The following ZNF469 variants were observed in gnomAD, a reference collection of about 807,000 sequenced individuals.
ZNF469 encodes the protein zinc finger protein 469.
ZNF469 carries 1 observed loss-of-function variant against 1.0 expected under a neutral mutation model. The observed-to-expected ratio is 1.00, with a 90% CI of 0.35 to 4.73. ZNF469 has a LOEUF of 4.73. Among genes scored for constraint, ZNF469 ranks in the 30% most tolerant of loss-of-function variants. The pLI is 0.16. For missense variants in ZNF469, 6,100 were observed against 5,356.3 expected (o/e 1.14, Z -4.33); for synonymous variants, 2,703 against 2,363.4 (o/e 1.14, Z -4.17).
chr16:88,310,632 G>C, the ZNF469 span, among the ~76,000 whole-genome samples: 1 of 151,590 alleles, frequency 6.6e-6, no homozygotes, highest in African/African-American at 2.4e-5. Context: ...GCCCAGGCTG[G>C]AGTGCAGCAG....
intron 1 of ZNF469, among the ~76,000 whole-genome samples, chr16:88,395,760 A>G (rs1398927405): frequency 1.3e-5 from 2 of 152,236 alleles, no homozygotes; most frequent in African/African-American, 2.4e-5. Flanking sequence ...TCTTCACTCT[A>G]TGCTGGGCCA....
At chr16:88,152,970 G>A in the ZNF469 span, among the ~76,000 whole-genome samples, 34,539 of 152,214 alleles carry the variant, frequency 0.23, 4,562 homozygotes, top group East Asian at 0.51. The surrounding 1 kb of genome is among the most constrained non-coding windows in gnomAD (Gnocchi z 4.2). Flanking sequence ...GGGCTCTGGC[G>A]GGGCATGCCC....
chr16:88,427,146 C>T (rs979632303), intron 2 of ZNF469, among the ~76,000 whole-genome samples, 199 bp from the exon 3 acceptor site: 2 of 152,138 alleles, frequency 1.3e-5, no homozygotes, highest in African/African-American at 4.8e-5. Context: ...TTCCATCTGG[C>T]GGGATGCCCT....
At chr16:88,250,863 C>T in the ZNF469 span, among the ~76,000 whole-genome samples, 52,177 of 151,820 alleles carry the variant, frequency 0.34, 9,449 homozygotes, top group Middle Eastern at 0.46. Flanking sequence ...CCTACCTGTT[C>T]GGGGTTTTTC....
intron 1 of ZNF469, among the ~76,000 whole-genome samples, chr16:88,415,945 C>A (rs1905290952): frequency 1.3e-5 from 2 of 152,262 alleles, no homozygotes; most frequent in African/African-American, 4.8e-5. Context: ...CTTCCCAGCG[C>A]TGCAGAGCCA....
chr16:88,398,647 G>C lies in ZNF469; in HGVS notation c.-192+15393G>C, dbSNP rs567347012. Among the ~76,000 whole-genome samples the C allele has an allele frequency of 5.9e-5, 3 of 50,950 alleles. No individual in the cohort carries two copies. In the South Asian group the frequency reaches 1.4e-3, roughly 23 times the overall value. The allele number at this position is 50,950 out of a possible 152,430, so 33.4% of individuals were successfully genotyped here. A position where few individuals can be genotyped will look rare whatever the true frequency, so the allele number is the denominator to read the frequency against. Reference sequence around the variant, plus strand: ...AAGGGACATATGAGCCACAGATGAAGGGGGGGTGTGAGCCACAGATGAGGG... The same window carrying C: ...AAGGGACATATGAGCCACAGATGAACGGGGGGTGTGAGCCACAGATGAGGG... On this transcript the variant is annotated intron_variant, in intron 1 of 2. Coordinates refer to ENST00000565624, the MANE Select transcript of ZNF469 (RefSeq NM_001367624.2).
the ZNF469 span, among the ~76,000 whole-genome samples, chr16:88,247,982 G>A: frequency 6.6e-6 from 1 of 152,148 alleles, no homozygotes; most frequent in African/African-American, 2.4e-5. Flanking sequence ...AAGCTGTGAC[G>A]CGGCTGGACG....
chr16:88,301,771 T>C, the ZNF469 span, among the ~76,000 whole-genome samples: 6 of 152,184 alleles, frequency 3.9e-5, no homozygotes, highest in Admixed American at 6.5e-5. Flanking sequence ...ATCCTTTTTG[T>C]GGGTTACTGA....
chr16:88,256,821 C>T, the ZNF469 span, among the ~76,000 whole-genome samples: 7 of 141,298 alleles, frequency 5.0e-5, no homozygotes, highest in African/African-American at 1.5e-4. Context: ...GGTGAGGAGC[C>T]TCTTTTCTTT....
At chr16:88,427,234 C>G (rs1320985382) in intron 2 of ZNF469, among the ~76,000 whole-genome samples, 111 bp from the exon 3 acceptor site, 1 of 152,206 alleles carries the variant, frequency 6.6e-6, no homozygotes, top group African/African-American at 2.4e-5. Flanking sequence ...CTGCACGCAG[C>G]CTCTTCTGCT....
the ZNF469 span, among the ~76,000 whole-genome samples, chr16:88,134,222 C>A: frequency 6.6e-6 from 1 of 152,204 alleles, no homozygotes; most frequent in Non-Finnish European, 1.5e-5. Context: ...AGCTTTATGA[C>A]CACTTTTTCT....
the ZNF469 span, among the ~76,000 whole-genome samples, chr16:88,374,072 T>C: frequency 6.7e-6 from 1 of 150,336 alleles, no homozygotes; most frequent in Non-Finnish European, 1.5e-5. Context: ...GAACGTAGTG[T>C]GTGGTGAGGA....
At chr16:88,178,597 G>A in the ZNF469 span, 4 of 152,294 alleles carry the variant, frequency 2.6e-5, no homozygotes, top group South Asian at 6.2e-4. Flanking sequence ...ATCTTGCCTC[G>A]TTTTCCTCTT....
At chr16:88,168,877 C>T in the ZNF469 span, among the ~76,000 whole-genome samples, 1 of 152,142 alleles carries the variant, frequency 6.6e-6, no homozygotes, top group African/African-American at 2.4e-5. The surrounding 1 kb of genome is among the most constrained non-coding windows in gnomAD (Gnocchi z 4.3). Context: ...GTGAGGATCG[C>T]TTGAGCCTAG....
chr16:88,229,667 T>A, the ZNF469 span, among the ~76,000 whole-genome samples: 5 of 144,266 alleles, frequency 3.5e-5, no homozygotes, highest in East Asian at 8.2e-4. Flanking sequence ...CGTGTGGATG[T>A]CGCGTGTGTG....
chr16:88,139,169 C>T, the ZNF469 span, among the ~76,000 whole-genome samples: 100 of 96,566 alleles, frequency 1.0e-3, no homozygotes, highest in African/African-American at 2.4e-3. Context: ...AGAGACTGCT[C>T]TGCATCCCAC....
At chr16:88,287,770 C>T in the ZNF469 span, among the ~76,000 whole-genome samples, 2 of 152,172 alleles carry the variant, frequency 1.3e-5, no homozygotes, top group Admixed American at 6.5e-5. Context: ...ATTATGCATT[C>T]ACGCTCCAGG....
chr16:88,335,212 C>T, the ZNF469 span, among the ~76,000 whole-genome samples: 8 of 152,174 alleles, frequency 5.3e-5, no homozygotes, highest in Admixed American at 4.6e-4. Context: ...CTCTCCACCA[C>T]CCCAAAACTC....
intron 1 of ZNF469, among the ~76,000 whole-genome samples, chr16:88,412,015 C>T (rs967730115): frequency 0.035 from 8 of 226 alleles, no homozygotes; most frequent in African/African-American, 0.27. Flanking sequence ...TCCCAAGACC[C>T]TGTTGGTCTC....
Sources: allele counts gnomAD v4.1 joint callset (sites outside exome capture counted in the v4.1 genomes callset), GRCh38; gene constraint gnomAD v4.1.1; non-coding constraint Gnocchi (gnomAD v3.1); transcripts MANE v1.5; gene names NCBI Gene and HGNC (gene_info 2026-07-23, HGNC 2026-07-21).